NCAPD3: variants seen among roughly 807,000 people sequenced by gnomAD.
The protein encoded by NCAPD3 is condensin-2 complex subunit D3.
A neutral mutation model predicts 182.9 loss-of-function variants in NCAPD3; 105 were observed. The observed-to-expected ratio is 0.57, with a 90% confidence interval of 0.49 to 0.68. The LOEUF is 0.68. NCAPD3 is among the 30% of genes least tolerant of loss of function. NCAPD3 has a pLI of 0.00. For synonymous variants in NCAPD3, 815 were observed against 679.9 expected (o/e 1.20, Z -3.09); for missense variants, 1,944 against 1,837.0 (o/e 1.06, Z -1.07).
At chr11:134,182,098 A>G (rs573968844) in intron 19 of NCAPD3, among the ~76,000 whole-genome samples, 4 of 152,334 alleles carry the variant, frequency 2.6e-5, no homozygotes, top group African/African-American at 7.2e-5. Flanking sequence ...ACATTGGCCC[A>G]AAGAGTTTCT....
At chr11:134,161,130 CA>C (rs1188628178) in intron 28 of NCAPD3, among the ~76,000 whole-genome samples, 1 of 151,972 alleles carries the variant, frequency 6.6e-6, no homozygotes, top group African/African-American at 2.4e-5. Context: ...AAAATTGTAG[CA>C]TTTTTTTGAG....
Position 134,179,888 on chromosome 11 carries a change from A to G in NCAPD3, c.2560-952T>C, listed in dbSNP as rs1008750092. On this transcript the variant is annotated intron_variant, in intron 20 of 34. Coordinates refer to ENST00000534548, the MANE Select transcript of NCAPD3 (RefSeq NM_015261.3). ...TATATGAGTTTAAAAGAATCTTGAA[A>G]TACTGTATCTCTTCATTAAAAAAAT... Among the ~76,000 whole-genome samples, 4 of 152,360 alleles carry G rather than the reference A, an allele frequency of 2.6e-5. No individual in the cohort carries two copies. In the South Asian group the frequency reaches 6.2e-4, roughly 24 times the overall value.
chr11:134,203,729 G>C lies in NCAPD3; in HGVS notation c.1393C>G (p.Leu465Val). 6.2e-7 allele frequency: 1 copy of C among 1,614,182 alleles called. No individual in the cohort carries two copies. Among genetic ancestry groups the C allele is most frequent in the Non-Finnish European group, 8.5e-7 (1 of 1,180,044 alleles). The change falls in exon 11 of 35, where the codon CTG becomes GTG. Residue 465 changes from leucine to valine, a missense_variant. Transcript: ENST00000534548. ...TCCAGACAGTGTGCAAAGCTGGACAGTGCCTTGCTGCGGACAGTAGGCGCC... is the reference window on the plus strand; with the variant it reads ...TCCAGACAGTGTGCAAAGCTGGACACTGCCTTGCTGCGGACAGTAGGCGCC... Reference protein sequence around the residue: ...DKAPTVRSKALSSFAHCLELT... With the variant: ...DKAPTVRSKAVSSFAHCLELT...
intron 16 of NCAPD3, among the ~76,000 whole-genome samples, chr11:134,191,942 G>A (rs774372112): frequency 4.6e-5 from 7 of 152,190 alleles, no homozygotes; most frequent in African/African-American, 1.2e-4. Context: ...ACTGTGACCC[G>A]TCTCATGCGG....
chr11:134,179,843 T>C (rs1227135531), intron 20 of NCAPD3, among the ~76,000 whole-genome samples: 1 of 151,976 alleles, frequency 6.6e-6, no homozygotes, highest in Non-Finnish European at 1.5e-5. Context: ...TATTCTAGGG[T>C]AAGAAAGCCA....
intron 27 of NCAPD3, among the ~76,000 whole-genome samples, chr11:134,164,053 T>C (rs1042554983): frequency 1.3e-4 from 20 of 152,118 alleles, no homozygotes; most frequent in Non-Finnish European, 2.6e-4. Context: ...AGGCAGGATC[T>C]TGTGGCAAGA....
intron 13 of NCAPD3, among the ~76,000 whole-genome samples, chr11:134,197,620 A>T (rs990713235): frequency 6.6e-6 from 1 of 152,186 alleles, no homozygotes; most frequent in African/African-American, 2.4e-5. Context: ...AATACAACAG[A>T]CCAATATTCC....
At chr11:134,159,493 T>C (rs886271687) in intron 29 of NCAPD3, among the ~76,000 whole-genome samples, 4 of 152,230 alleles carry the variant, frequency 2.6e-5, no homozygotes, top group African/African-American at 4.8e-5. Context: ...TTTGTGCTCA[T>C]TGGTCTTTCC....
chr11:134,206,418 G>T (rs1305018751), intron 8 of NCAPD3, among the ~76,000 whole-genome samples, 181 bp downstream of exon 8: 1 of 152,150 alleles, frequency 6.6e-6, no homozygotes, highest in African/African-American at 2.4e-5. Flanking sequence ...GCCCCAGCTG[G>T]GAGCCTACCA....
Position 134,160,001 on chromosome 11 carries a change from T to A in NCAPD3, c.3758A>T (p.Glu1253Val). The part of the protein sequence containing the change: ...AVDKQLASEL[E>V]YDMKKYQEQL... Reference sequence around the variant, plus strand: ...TTCCTGGTACTTCTTCATGTCATACTCAAGCTCTGATGCCAGCTGTTTGTC... The same window carrying A: ...TTCCTGGTACTTCTTCATGTCATACACAAGCTCTGATGCCAGCTGTTTGTC... Residue 1253 changes from glutamate to valine, a missense_variant, in exon 29 of 35, where the codon GAG (glutamate) becomes GTG (valine). Around this residue, in one of 3 missense-constraint regions of NCAPD3, gnomAD observed 1,803 missense variants for 1,674.6 expected, o/e 1.08. Coordinates refer to ENST00000534548, the MANE Select transcript of NCAPD3 (RefSeq NM_015261.3). 6.2e-7 allele frequency: 1 copy of A among 1,614,178 alleles called. No homozygotes were observed. The highest frequency in any genetic ancestry group is 8.5e-7 in the Non-Finnish European group (1 of 1,180,022).
intron 7 of NCAPD3, 32 bp downstream of exon 7, chr11:134,208,832 T>C (rs751265882): frequency 6.7e-7 from 1 of 1,498,746 alleles, no homozygotes; most frequent in Non-Finnish European, 9.3e-7. Flanking sequence ...TCGATTCAAC[T>C]AGTAACCAAA....
intron 32 of NCAPD3, among the ~76,000 whole-genome samples, chr11:134,154,396 A>C (rs1943355543): frequency 6.6e-6 from 1 of 151,842 alleles, no homozygotes; most frequent in Non-Finnish European, 1.5e-5. Context: ...TGTTAGGCTC[A>C]GGTGCACGCG....
rs147510303 is a variant in NCAPD3 at position 134,178,668 on chromosome 11, G to A, written c.2748C>T (p.Pro916=). Residue 916 remains proline (P), a synonymous_variant, in exon 22 of 35, where the codon CCC becomes CCT. Coordinates refer to ENST00000534548, the MANE Select transcript of NCAPD3 (RefSeq NM_015261.3). Reference sequence around the variant, plus strand: ...TGATGGCATGTGCTCTAATCACAGAGGGCATGACAGAACCTCTGACCTGGG... The same window carrying A: ...TGATGGCATGTGCTCTAATCACAGAAGGCATGACAGAACCTCTGACCTGGG... ...PPPQVRGSVM[P]SVIRAHAIIT... The A allele has an allele frequency of 4.4e-6, 7 of 1,592,176 alleles. No individual in the cohort carries two copies. In the African/African-American group the frequency reaches 6.7e-5, roughly 15 times the overall value.
intron 16 of NCAPD3, among the ~76,000 whole-genome samples, chr11:134,190,430 A>G (rs1487072136): frequency 6.6e-6 from 1 of 152,182 alleles, no homozygotes; most frequent in Non-Finnish European, 1.5e-5. Flanking sequence ...TCGATTTCTT[A>G]GCAACTTTTC....
At chr11:134,161,628 C>T (rs1314947396) in intron 28 of NCAPD3, among the ~76,000 whole-genome samples, 153 bp downstream of exon 28, 1 of 152,202 alleles carries the variant, frequency 6.6e-6, no homozygotes, top group Non-Finnish European at 1.5e-5. Flanking sequence ...ACAGCCAACC[C>T]CTAGCTCCAC....
At position 134,159,900 on chromosome 11, in the gene NCAPD3, C is replaced by T. The variant is rs1943529500; in HGVS notation, c.3859G>A (p.Val1287Met). The change falls in exon 29 of 35, where the codon GTG becomes ATG. Residue 1287 changes from valine (V) to methionine (M), a missense_variant. Around this residue, in one of 3 missense-constraint regions of NCAPD3, gnomAD observed 1,803 missense variants for 1,674.6 expected, o/e 1.08. Transcript: ENST00000534548. ...GTAGGAEVAP[V>M]AQVALCLETV... ...GTGGGCCCCACACCTACCTGTGCCA[C>T]AGGTGCCACCTCAGCACCTCCAGCC... is the stretch of plus-strand genomic sequence containing the variant. The T allele has an allele frequency of 6.2e-6, 10 of 1,612,396 alleles. No homozygotes were observed. Among genetic ancestry groups the T allele is most frequent in the Non-Finnish European group, 7.6e-6 (9 of 1,179,748 alleles).
chr11:134,163,991 G>A (rs956362653), intron 27 of NCAPD3, among the ~76,000 whole-genome samples: 4 of 152,080 alleles, frequency 2.6e-5, no homozygotes, highest in South Asian at 2.1e-4. Flanking sequence ...CATGGAAATG[G>A]GATAAGCTTA....
chr11:134,152,854 C>G lies in NCAPD3; in HGVS notation c.*90G>C, dbSNP rs771871226. 2.8e-6 allele frequency: 3 copies of G among 1,056,808 alleles called. No homozygotes were observed. The highest frequency in any genetic ancestry group is 4.8e-5 in the East Asian group (2 of 41,828). The allele number at this position is 1,056,808 out of a possible 1,614,324, so 65.5% of individuals were successfully genotyped here. ...ACAGCAAAGCGCTGCCCAAGGACTG[C>G]GGGAAGTGATCCAGCTGCCTTCACA... On this transcript the variant is annotated 3_prime_UTR_variant, in exon 35 of 35. Transcript: ENST00000534548.
At chr11:134,168,788 C>A in intron 25 of NCAPD3, 129 bp downstream of exon 25, 1 of 1,405,508 alleles carries the variant, frequency 7.1e-7, no homozygotes, top group Non-Finnish European at 9.7e-7. Flanking sequence ...TTACGCCATC[C>A]TGCCAAGCCA....
Sources: allele counts gnomAD v4.1 joint callset (sites outside exome capture counted in the v4.1 genomes callset), GRCh38; gene constraint gnomAD v4.1.1; regional missense constraint gnomAD v4.1.1; transcripts MANE v1.5; gene names NCBI Gene and HGNC (gene_info 2026-07-23, HGNC 2026-07-21).